Variants in CHRM2 observed in about 807,000 individuals in gnomAD.
CHRM2 encodes cholinergic receptor muscarinic 2, also known as muscarinic acetylcholine receptor M2.
CHRM2 carries 8 observed loss-of-function variants against 25.0 expected under a neutral mutation model. The observed-to-expected ratio is 0.32, with a 90% CI of 0.19 to 0.58. The LOEUF (loss-of-function observed/expected upper bound fraction) is 0.58. CHRM2 is among the 20% of genes least tolerant of loss of function. CHRM2 has a pLI of 0.88. For synonymous variants in CHRM2, 202 were observed against 205.7 expected (o/e 0.98, Z 0.15); for missense variants, 440 against 567.1 (o/e 0.78, Z 2.28).
intron 2 of CHRM2, among the ~76,000 whole-genome samples, chr7:136,986,583 A>G (rs1287869442): frequency 6.6e-6 from 1 of 152,184 alleles, no homozygotes; most frequent in Non-Finnish European, 1.5e-5. Context: ...ATTAAGATAT[A>G]TTTGGGCAAT....
chr7:136,882,184 C>T (rs1057093607), intron 2 of CHRM2, among the ~76,000 whole-genome samples: 11 of 151,946 alleles, frequency 7.2e-5, no homozygotes, highest in South Asian at 4.1e-4. Flanking sequence ...GCTTTACACA[C>T]GGAAGCTAAT....
At chr7:136,900,149 G>A (rs1225756689) in intron 2 of CHRM2, among the ~76,000 whole-genome samples, 1 of 151,958 alleles carries the variant, frequency 6.6e-6, no homozygotes, top group Non-Finnish European at 1.5e-5. Flanking sequence ...ACAAAAGACA[G>A]GCTTATTTCT....
chr7:136,897,303 T>A (rs62485228), intron 2 of CHRM2, among the ~76,000 whole-genome samples: 33,726 of 151,914 alleles, frequency 0.22, 4,909 homozygotes, highest in Non-Finnish European at 0.32. Context: ...CTATTGGAGA[T>A]GCAAGTCTTA....
chr7:136,903,729 G>A (rs544487909), intron 2 of CHRM2, among the ~76,000 whole-genome samples: 14 of 151,598 alleles, frequency 9.2e-5, no homozygotes, highest in Admixed American at 2.6e-4. Context: ...TCTTTAATTG[G>A]CTAAATGTTT....
rs1409360909 is a variant in CHRM2 at position 137,014,990 on chromosome 7, T to C, written c.125T>C (p.Ile42Thr). ...SLSLVTIIGN[I>T]LVMVSIKVNR... ...AGTTTGGTGACCATTATCGGGAACA[T>C]CCTAGTCATGGTTTCCATTAAAGTC... The change falls in exon 4 of 4, where the codon ATC becomes ACC. Residue 42 changes from isoleucine to threonine, a missense_variant. Physicochemically the swap from Ile to Thr is moderately conservative, Grantham distance 89 (BLOSUM62 -1). Around this residue, in one of 5 missense-constraint regions of CHRM2, gnomAD observed 86 missense variants for 124.9 expected, o/e 0.69. Coordinates refer to ENST00000680005, the MANE Select transcript of CHRM2 (RefSeq NM_001006630.2). 1.9e-6 allele frequency: 3 copies of C among 1,613,312 alleles called. No individual in the cohort carries two copies. The highest frequency in any genetic ancestry group is 1.7e-4 in the Middle Eastern group (1 of 6,054).
chr7:137,005,352 C>T (rs914861527), intron 3 of CHRM2, among the ~76,000 whole-genome samples: 1 of 152,046 alleles, frequency 6.6e-6, no homozygotes, highest in Non-Finnish European at 1.5e-5. Context: ...AATATATATT[C>T]CTAAGTATAA....
intron 3 of CHRM2, among the ~76,000 whole-genome samples, chr7:136,996,390 T>C (rs1392082865): frequency 6.6e-6 from 1 of 152,086 alleles, no homozygotes; most frequent in Non-Finnish European, 1.5e-5. Context: ...ATCAATAAAA[T>C]TATAGCTAAA....
intron 2 of CHRM2, among the ~76,000 whole-genome samples, chr7:136,884,945 CTGTT>C (rs1436492451): frequency 6.6e-6 from 1 of 152,138 alleles, no homozygotes; most frequent in Non-Finnish European, 1.5e-5. Context: ...ATCAGTTTTT[CTGTT>C]TGTTTGGTTG....
At chr7:136,920,647 T>A (rs997043242) in intron 2 of CHRM2, among the ~76,000 whole-genome samples, 1 of 152,142 alleles carries the variant, frequency 6.6e-6, no homozygotes, top group Non-Finnish European at 1.5e-5. Context: ...GTAAACCATA[T>A]TTGCATGTTA....
intron 2 of CHRM2, among the ~76,000 whole-genome samples, chr7:136,936,338 A>G (rs1343545623): frequency 3.9e-5 from 6 of 152,158 alleles, no homozygotes; most frequent in African/African-American, 1.4e-4. Context: ...GAGCAAAAGG[A>G]ATATTTTAAA....
At chr7:136,959,613 T>C (rs1563091344) in intron 2 of CHRM2, among the ~76,000 whole-genome samples, 1 of 152,072 alleles carries the variant, frequency 6.6e-6, no homozygotes, top group Non-Finnish European at 1.5e-5. Flanking sequence ...AAAGCATATG[T>C]TAAGAAGGAA....
intron 2 of CHRM2, among the ~76,000 whole-genome samples, chr7:136,990,507 A>G (rs1204521396): frequency 6.6e-6 from 1 of 152,110 alleles, no homozygotes; most frequent in South Asian, 2.1e-4. Flanking sequence ...CTCACGTAAC[A>G]ATATGCATTT....
chr7:137,001,642 G>A (rs1804041731), intron 3 of CHRM2, among the ~76,000 whole-genome samples: 1 of 152,110 alleles, frequency 6.6e-6, no homozygotes, highest in South Asian at 2.1e-4. Context: ...ACACTGGAGA[G>A]GGCCTTCTCA....
intron 2 of CHRM2, among the ~76,000 whole-genome samples, chr7:136,891,234 C>G (rs1796678561): frequency 6.6e-6 from 1 of 152,134 alleles, no homozygotes; most frequent in African/African-American, 2.4e-5. Context: ...TACCCAATGT[C>G]CTCTTTCTGA....
intron 2 of CHRM2, among the ~76,000 whole-genome samples, chr7:136,910,270 T>A (rs1797770807): frequency 6.6e-6 from 1 of 151,972 alleles, no homozygotes; most frequent in African/African-American, 2.4e-5. Context: ...AATTACCTAC[T>A]ATTTGATTAG....
At position 137,015,724 on chromosome 7, in the gene CHRM2, A is replaced by C; in HGVS notation, c.859A>C (p.Thr287Pro). ...GEEKESSNDS[T>P]SVSAVASNMR... The stretch of plus-strand genomic sequence containing the variant: ...GGAGAAGGAGAGCTCCAATGACTCC[A>C]CCTCAGTCAGTGCTGTTGCCTCTAA... The change falls in exon 4 of 4, where the codon ACC (threonine) becomes CCC (proline). Residue 287 changes from threonine to proline, a missense_variant. Physicochemically the swap from Thr to Pro is conservative, Grantham distance 38 (BLOSUM62 -1). Transcript: ENST00000680005. This position sits in a 1 kb window ranked among gnomAD's most constrained non-coding sequence, Gnocchi z 5.1. The C allele has an allele frequency of 6.2e-7, 1 of 1,613,292 alleles. No homozygotes were observed. Among genetic ancestry groups the C allele is most frequent in the Non-Finnish European group, 8.5e-7 (1 of 1,179,560 alleles).
chr7:136,944,860 A>G (rs1336291354), intron 2 of CHRM2, among the ~76,000 whole-genome samples: 1 of 152,092 alleles, frequency 6.6e-6, no homozygotes, highest in Non-Finnish European at 1.5e-5. Context: ...AATAGTTTAC[A>G]TTCCCACCAG....
At chr7:136,964,150 AC>A (rs1195181850) in intron 2 of CHRM2, among the ~76,000 whole-genome samples, 1 of 152,180 alleles carries the variant, frequency 6.6e-6, no homozygotes, top group Non-Finnish European at 1.5e-5. Flanking sequence ...GTAAATTCTG[AC>A]AGTAGAAAAT....
At chr7:136,889,707 C>T (rs1377242585) in intron 2 of CHRM2, among the ~76,000 whole-genome samples, 5 of 152,094 alleles carry the variant, frequency 3.3e-5, no homozygotes, top group African/African-American at 4.8e-5. Flanking sequence ...TATACATATG[C>T]GGTGTACTAA....
Sources: allele counts gnomAD v4.1 joint callset (sites outside exome capture counted in the v4.1 genomes callset), GRCh38; gene constraint gnomAD v4.1.1; regional missense constraint gnomAD v4.1.1; non-coding constraint Gnocchi (gnomAD v3.1); transcripts MANE v1.5; gene names NCBI Gene and HGNC (gene_info 2026-07-23, HGNC 2026-07-21).